Variants in CDH11 observed in about 807,000 individuals in gnomAD.
CDH11 encodes the protein cadherin 11, also known as cadherin-11.
A neutral mutation model predicts 67.8 loss-of-function variants in CDH11; 11 were observed. That is an observed-to-expected ratio of 0.16 (90% CI 0.10 to 0.27). The LOEUF is 0.27. Ranked by LOEUF, CDH11 falls within the 10% of genes least tolerant of loss-of-function variation. CDH11 has a pLI of 1.00. For synonymous variants in CDH11, 419 were observed against 400.0 expected (o/e 1.05, Z -0.57); for missense variants, 847 against 1,031.2 (o/e 0.82, Z 2.45).
chr16:64,950,829 A>T lies in CDH11; in HGVS notation c.1832T>A (p.Leu611Gln). Residue 611 changes from leucine to glutamine, a missense_variant, in exon 12 of 13, where the codon CTG becomes CAG. By Grantham distance (113) the Leu-to-Gln change is moderately radical. Transcript: ENST00000268603. Reference sequence around the variant, plus strand: ...GGCGCCTGTGCTCAGGCCGGCGTTCAGAATGTAGGCCTCTGCGTTGCAGGA... The same window carrying T: ...GGCGCCTGTGCTCAGGCCGGCGTTCTGAATGTAGGCCTCTGCGTTGCAGGA... ...LLSCNAEAYI[L>Q]NAGLSTGALI... is the part of the protein sequence containing the mutation. The T allele has an allele frequency of 6.2e-7, 1 of 1,614,188 alleles. No individual in the cohort carries two copies. Among genetic ancestry groups the T allele is most frequent in the Non-Finnish European group, 8.5e-7 (1 of 1,180,030 alleles).
chr16:64,993,188 GCCAA>G (rs2072674478), intron 4 of CDH11, among the ~76,000 whole-genome samples, 154 bp from the exon 5 acceptor site: 1 of 86,822 alleles, frequency 1.2e-5, no homozygotes, highest in Non-Finnish European at 2.6e-5. Flanking sequence ...AAAATAACCA[GCCAA>G]CCAACCTTCC....
intron 1 of CDH11, among the ~76,000 whole-genome samples, chr16:65,077,263 A>G (rs939452565): frequency 1.7e-4 from 26 of 152,328 alleles, no homozygotes; most frequent in African/African-American, 5.8e-4. Flanking sequence ...TCCTTATTGG[A>G]GGAAAAAAAA....
intron 11 of CDH11, among the ~76,000 whole-genome samples, chr16:64,961,265 A>G (rs1177008954): frequency 1.3e-5 from 2 of 152,076 alleles, no homozygotes; most frequent in Non-Finnish European, 1.5e-5. Flanking sequence ...ACAAAAGGCT[A>G]CTCTTAAAAT....
At chr16:64,981,321 G>C (rs2072340901) in intron 8 of CDH11, 1 of 151,630 alleles carries the variant, frequency 6.6e-6, no homozygotes, top group African/African-American at 2.4e-5. Flanking sequence ...GTAAAGGCTG[G>C]GTTCGAACTC....
intron 2 of CDH11, among the ~76,000 whole-genome samples, chr16:65,034,002 G>C (rs2073701296): frequency 6.6e-6 from 1 of 152,144 alleles, no homozygotes; most frequent in African/African-American, 2.4e-5. Context: ...GCAGTATTAT[G>C]GAACAGTATT....
At position 64,943,994 on chromosome 16, in the gene CDH11, C is replaced by A. The variant is rs950221350; in HGVS notation, c.*3609G>T. ...TGACCTGCTTTCCATGGAAAAGGAA[C>A]GTGTTTTTTTTTGTATCAGGAACCG... On this transcript the variant is annotated 3_prime_UTR_variant, in exon 13 of 13. Transcript: ENST00000268603. 1 of 231,640 alleles carries A rather than the reference C, an allele frequency of 4.3e-6. No individual in the cohort carries two copies. Among genetic ancestry groups the A allele is most frequent in the Non-Finnish European group, 8.5e-6 (1 of 117,100 alleles). The allele number at this position is 231,640 out of a possible 1,614,324, so 14.3% of individuals were successfully genotyped here.
chr16:65,042,743 C>T (rs1387930498), intron 2 of CDH11, among the ~76,000 whole-genome samples: 2 of 152,192 alleles, frequency 1.3e-5, no homozygotes, highest in African/African-American at 2.4e-5. Context: ...GTCTTCCCTC[C>T]ATCTGGTATT....
At chr16:65,058,813 T>TG (rs2074190684) in intron 1 of CDH11, among the ~76,000 whole-genome samples, 2 of 152,098 alleles carry the variant, frequency 1.3e-5, no homozygotes, top group Non-Finnish European at 2.9e-5. Context: ...CACTATAAAA[T>TG]GGGGATAATA....
At chr16:65,059,840 C>T (rs985715601) in intron 1 of CDH11, among the ~76,000 whole-genome samples, 5 of 152,192 alleles carry the variant, frequency 3.3e-5, no homozygotes. Context: ...GGGAGCAGAA[C>T]TAAATAAATA....
At chr16:65,096,794 A>G (rs2074905776) in intron 1 of CDH11, among the ~76,000 whole-genome samples, 2 of 152,218 alleles carry the variant, frequency 1.3e-5, no homozygotes, top group Admixed American at 1.3e-4. Flanking sequence ...TTACAAATGG[A>G]AGCTTCAGAA....
intron 1 of CDH11, among the ~76,000 whole-genome samples, chr16:65,057,908 G>A (rs993334556): frequency 1.3e-5 from 2 of 152,150 alleles, no homozygotes; most frequent in Non-Finnish European, 2.9e-5. Context: ...CCCATGGTGT[G>A]TGACTACAGA....
At position 64,947,293 on chromosome 16, in the gene CDH11, T is replaced by A. The variant is rs2071218762; in HGVS notation, c.*310A>T. On this transcript the variant is annotated 3_prime_UTR_variant, in exon 13 of 13. Coordinates refer to ENST00000268603, the MANE Select transcript of CDH11 (RefSeq NM_001797.4). ...GAAAGACTTGGATGTTCATAACACA[T>A]AAACAATTTCCCTTCATTGTCAGTT... 1.7e-6 allele frequency: 2 copies of A among 1,166,124 alleles called. No homozygotes were observed. The highest frequency in any genetic ancestry group is 3.1e-5 in the African/African-American group (2 of 64,036). 72.2% of individuals were successfully genotyped at this position (1,166,124 alleles called of 1,614,324 possible). A position where few individuals can be genotyped will look rare whatever the true frequency, so the allele number is the denominator to read the frequency against.
At chr16:65,092,444 G>A (rs1197065282) in intron 1 of CDH11, among the ~76,000 whole-genome samples, 2 of 152,112 alleles carry the variant, frequency 1.3e-5, no homozygotes, top group Non-Finnish European at 2.9e-5. Flanking sequence ...AAAGTGCTTT[G>A]GGCCAAACTG....
At chr16:65,002,025 A>AATCAAAGGTTGTTAGGAAATACTC (rs1215563697) in intron 3 of CDH11, among the ~76,000 whole-genome samples, 1 of 152,188 alleles carries the variant, frequency 6.6e-6, no homozygotes, top group African/African-American at 2.4e-5. Context: ...AATGTCATCA[A>AATCAAAGGTTGTTAGGAAATACTC]ATCAAAGGTT....
At position 65,025,945 on chromosome 16, in the gene CDH11, T is replaced by C. The variant is rs2073525918; in HGVS notation, c.-172-20904A>G. On this transcript the variant is annotated intron_variant, in intron 2 of 12. Transcript: ENST00000268603. The stretch of plus-strand genomic sequence containing the variant: ...TAGCTGATCCCTGAAAGGAAATGAA[T>C]GGGGATACAGGCCAGAAGTCTGTCC... Among the ~76,000 whole-genome samples the C allele has an allele frequency of 2.6e-5, 4 of 152,042 alleles. No homozygotes were observed. In the South Asian group the frequency reaches 8.3e-4, roughly 32 times the overall value.
chr16:64,976,706 A>C (rs749997502), intron 8 of CDH11, among the ~76,000 whole-genome samples: 13 of 152,174 alleles, frequency 8.5e-5, no homozygotes, highest in Non-Finnish European at 1.5e-4. Flanking sequence ...CTAAATATAC[A>C]AAATTAGCTG....
chr16:65,058,687 A>G (rs2074188489), intron 1 of CDH11, among the ~76,000 whole-genome samples: 1 of 152,182 alleles, frequency 6.6e-6, no homozygotes, highest in African/African-American at 2.4e-5. Context: ...TTTGTAAAAA[A>G]TTGGGAGAAA....
At chr16:65,036,489 C>T (rs2073757572) in intron 2 of CDH11, among the ~76,000 whole-genome samples, 1 of 152,116 alleles carries the variant, frequency 6.6e-6, no homozygotes, top group Non-Finnish European at 1.5e-5. Flanking sequence ...AATGCCAGAA[C>T]TCAGGCATTA....
intron 1 of CDH11, among the ~76,000 whole-genome samples, chr16:65,069,738 C>T (rs774184015): frequency 3.9e-5 from 6 of 152,146 alleles, no homozygotes; most frequent in African/African-American, 7.2e-5. Context: ...CTTGGGTTAA[C>T]AGAACCCAGG....
Sources: allele counts gnomAD v4.1 joint callset (sites outside exome capture counted in the v4.1 genomes callset), GRCh38; gene constraint gnomAD v4.1.1; transcripts MANE v1.5; gene names NCBI Gene and HGNC (gene_info 2026-07-23, HGNC 2026-07-21).